TRDN: variants seen among roughly 807,000 people sequenced by gnomAD.
TRDN encodes triadin in skeletal muscle.
TRDN carries 161 observed loss-of-function variants against 149.7 expected under a neutral mutation model. The ratio of observed to expected loss-of-function variants is 1.08; its 90% CI spans 0.95 to 1.23. TRDN has a LOEUF of 1.23. Ranked by LOEUF, TRDN falls within the 50% of genes most tolerant of loss-of-function variation. The pLI is 0.00. For synonymous variants in TRDN, 294 were observed against 250.5 expected (o/e 1.17, Z -1.64); for missense variants, 896 against 823.5 (o/e 1.09, Z -1.08).
At chr6:123,367,459 A>G (rs1358920221) in intron 19 of TRDN, among the ~76,000 whole-genome samples, 2 of 152,158 alleles carry the variant, frequency 1.3e-5, no homozygotes, top group African/African-American at 4.8e-5. Context: ...GAAAGACATC[A>G]GACATCAGAA....
intron 35 of TRDN, among the ~76,000 whole-genome samples, chr6:123,258,415 C>T (rs772321733): frequency 1.3e-4 from 20 of 151,998 alleles, no homozygotes; most frequent in Non-Finnish European, 2.8e-4. Context: ...GTCATTGGTT[C>T]TGTTTATGTG....
intron 9 of TRDN, among the ~76,000 whole-genome samples, chr6:123,476,303 T>C (rs368766352): frequency 2.0e-5 from 1 of 51,030 alleles, no homozygotes; most frequent in South Asian, 1.0e-3. Context: ...TGAACTCCCA[T>C]TCACAATTGC....
intron 24 of TRDN, among the ~76,000 whole-genome samples, chr6:123,307,850 T>A (rs1299624557): frequency 2.6e-5 from 4 of 152,046 alleles, no homozygotes; most frequent in African/African-American, 4.8e-5. Context: ...TGCTCATTTT[T>A]AAAAAATAAT....
intron 9 of TRDN, among the ~76,000 whole-genome samples, chr6:123,477,176 T>C (rs9490780): frequency 4.5e-4 from 61 of 136,734 alleles, no homozygotes; most frequent in African/African-American, 1.7e-3. Context: ...AAAGGGCTAA[T>C]ATCCAGAATC....
rs1204147505 is a variant in TRDN, at chr6:123,255,906, T to A, written c.1871-4A>T. The A allele has an allele frequency of 7.7e-7, 1 of 1,291,212 alleles. No homozygotes were observed. Among genetic ancestry groups the A allele is most frequent in the Non-Finnish European group, 1.0e-6 (1 of 999,030 alleles). The allele number at this position is 1,291,212 out of a possible 1,614,324, so 80.0% of individuals were successfully genotyped here. The stretch of plus-strand genomic sequence containing the variant: ...AGATGCTTCATGTCTGCTTTTTCTG[T>A]ATAGAAGAAACAGTAACAGGGTAAT... On this transcript the variant is annotated splice_polypyrimidine_tract_variant and splice_region_variant and intron_variant, in intron 35 of 40. Coordinates refer to ENST00000334268, the MANE Select transcript of TRDN (RefSeq NM_006073.4).
At chr6:123,527,107 A>G (rs760166202) in intron 5 of TRDN, among the ~76,000 whole-genome samples, 6 of 152,054 alleles carry the variant, frequency 3.9e-5, no homozygotes, top group Non-Finnish European at 8.8e-5. Context: ...TCTAACCCAG[A>G]TAATTTAATT....
Position 123,255,884 on chromosome 6 carries a change from T to C in TRDN, c.1889A>G (p.His630Arg). The change falls in exon 36 of 41, where the codon CAT becomes CGT. Residue 630 changes from histidine (H) to arginine (R), a missense_variant. By Grantham distance (29) the His-to-Arg change is conservative. Coordinates refer to ENST00000334268, the MANE Select transcript of TRDN (RefSeq NM_006073.4). ...KESKEKADMK[H>R]LREEKVSTRK... ...AAAATTACCTTTTTCTTCTCTAAGA[T>C]GCTTCATGTCTGCTTTTTCTGTATA... The C allele has an allele frequency of 7.4e-7, 1 of 1,352,108 alleles. No homozygotes were observed. The allele number at this position is 1,352,108 out of a possible 1,614,324, so 83.8% of individuals were successfully genotyped here.
chr6:123,520,817 G>T (rs1779640818), intron 5 of TRDN, among the ~76,000 whole-genome samples: 1 of 152,048 alleles, frequency 6.6e-6, no homozygotes, highest in South Asian at 2.1e-4. Context: ...ATAGCTTTGT[G>T]CACACTCTTC....
At chr6:123,505,424 G>A (rs62420507) in intron 7 of TRDN, among the ~76,000 whole-genome samples, 15,095 of 152,034 alleles carry the variant, frequency 0.099, 1,037 homozygotes, top group South Asian at 0.21. Context: ...ATCATCTGTG[G>A]TATCGCACTT....
At chr6:123,418,055 A>G (rs540157872) in intron 12 of TRDN, among the ~76,000 whole-genome samples, 1 of 152,196 alleles carries the variant, frequency 6.6e-6, no homozygotes, top group African/African-American at 2.4e-5. Context: ...AGGACTGGGT[A>G]AGTATAACAC....
chr6:123,304,493 C>T (rs573908893), intron 24 of TRDN, among the ~76,000 whole-genome samples: 13 of 152,104 alleles, frequency 8.5e-5, no homozygotes, highest in Admixed American at 6.6e-4. Context: ...ACCTCATGAT[C>T]CGCCAGCCTC....
chr6:123,557,284 T>C (rs1342201740), intron 2 of TRDN, among the ~76,000 whole-genome samples: 1 of 152,090 alleles, frequency 6.6e-6, no homozygotes, highest in Non-Finnish European at 1.5e-5. Flanking sequence ...GTGACTCGGA[T>C]CGGGGGACCT....
chr6:123,572,470 C>T (rs1583267497), intron 1 of TRDN, among the ~76,000 whole-genome samples: 1 of 145,646 alleles, frequency 6.9e-6, no homozygotes, highest in African/African-American at 2.4e-5. Context: ...GGAGAGAAAA[C>T]ATGTCTCATT....
chr6:123,304,252 CTT>C (rs71649806), intron 24 of TRDN, among the ~76,000 whole-genome samples: 70,468 of 128,354 alleles, frequency 0.55, 19,190 homozygotes, highest in East Asian at 0.73. Context: ...CTTTTATTTT[CTT>C]TTTTTTTTTT....
intron 1 of TRDN, among the ~76,000 whole-genome samples, chr6:123,582,941 G>A (rs1033502802): frequency 6.6e-6 from 1 of 152,052 alleles, no homozygotes; most frequent in Middle Eastern, 3.2e-3. Flanking sequence ...TTGTGGGGTT[G>A]TTAGAAGGAA....
At chr6:123,423,815 C>T (rs187286103) in intron 12 of TRDN, among the ~76,000 whole-genome samples, 8 of 152,202 alleles carry the variant, frequency 5.3e-5, no homozygotes, top group South Asian at 2.1e-4. Flanking sequence ...GATGTAAATA[C>T]GGCCAATAGC....
chr6:123,455,165 CA>C (rs1259449363), intron 10 of TRDN, among the ~76,000 whole-genome samples: 1 of 151,784 alleles, frequency 6.6e-6, no homozygotes, highest in African/African-American at 2.4e-5. Context: ...ATTTAGTATG[CA>C]AAAGGAAAGG....
intron 4 of TRDN, among the ~76,000 whole-genome samples, chr6:123,534,501 A>C (rs1780420699): frequency 6.6e-6 from 1 of 152,162 alleles, no homozygotes; most frequent in Non-Finnish European, 1.5e-5. Context: ...TTAGCCAGGA[A>C]ATGATGCTAT....
chr6:123,633,386 T>C (rs959330779), intron 1 of TRDN, among the ~76,000 whole-genome samples: 5 of 152,066 alleles, frequency 3.3e-5, no homozygotes, highest in African/African-American at 1.2e-4. Flanking sequence ...ATATCCAATA[T>C]GACTCTGTGG....
Sources: gnomAD v4.1 joint callset for allele counts (sites outside exome capture counted in the v4.1 genomes callset) on GRCh38, gnomAD v4.1.1 for gene constraint, MANE v1.5 for transcripts, NCBI Gene and HGNC (gene_info 2026-07-23, HGNC 2026-07-21) for gene names.